Variants in MAOA observed in about 807,000 individuals in gnomAD.
MAOA encodes the protein amine oxidase [flavin-containing] A.
MAOA carries 6 observed loss-of-function variants against 42.0 expected under a neutral mutation model. The ratio of observed to expected loss-of-function variants is 0.14; its 90% CI spans 0.08 to 0.28. The LOEUF (loss-of-function observed/expected upper bound fraction) is 0.28, where lower values mean the gene tolerates loss of function less well. MAOA is among the 10% of genes least tolerant of loss of function. The probability of loss-of-function intolerance (pLI) is 1.00; values close to 1 mark genes in which losing one functional copy is unlikely to be tolerated. For synonymous variants in MAOA, 140 were observed against 154.0 expected (o/e 0.91, Z 0.67); for missense variants, 262 against 422.3 (o/e 0.62, Z 3.33).
chrX:43,697,296 T>C (rs1271415166), intron 3 of MAOA, among the ~76,000 whole-genome samples: 4 of 111,961 alleles, frequency 3.6e-5, no homozygotes, highest in African/African-American at 1.3e-4. Context: ...CTGGCAGCTC[T>C]CTTCTGATGG....
chrX:43,692,429 G>A (rs189056595), intron 2 of MAOA, among the ~76,000 whole-genome samples: 179 of 111,065 alleles, frequency 1.6e-3, no homozygotes, highest in African/African-American at 5.6e-3. Flanking sequence ...CAGGCTGTGG[G>A]CAGAAGCAAA....
At chrX:43,722,008 A>T (rs2033794218) in intron 5 of MAOA, among the ~76,000 whole-genome samples, 2 of 111,654 alleles carry the variant, frequency 1.8e-5, no homozygotes, top group Admixed American at 1.9e-4. Flanking sequence ...GTCCCTGCAA[A>T]GGACATGAAC....
intron 11 of MAOA, among the ~76,000 whole-genome samples, chrX:43,741,233 A>G (rs938860667): frequency 9.0e-6 from 1 of 111,508 alleles, no homozygotes; most frequent in African/African-American, 3.3e-5. Context: ...ATTTAGGAAT[A>G]TCAGTGCTTT....
intron 2 of MAOA, among the ~76,000 whole-genome samples, chrX:43,691,346 C>T (rs2033530820): frequency 9.2e-6 from 1 of 108,276 alleles, no homozygotes; most frequent in Admixed American, 9.9e-5. Flanking sequence ...TGTACTCCAG[C>T]CTGACTGATA....
chrX:43,715,760 C>T (rs142303841), intron 5 of MAOA, among the ~76,000 whole-genome samples: 1,966 of 109,715 alleles, frequency 0.018, 47 homozygotes, highest in African/African-American at 0.062. Context: ...CCAGGATGAC[C>T]CACAAGGCCA....
intron 3 of MAOA, among the ~76,000 whole-genome samples, chrX:43,705,762 A>G (rs2033654684): frequency 8.9e-6 from 1 of 112,293 alleles, no homozygotes; most frequent in Non-Finnish European, 1.9e-5. Context: ...ACTCAATAAT[A>G]AAAAGACAAA....
At chrX:43,734,132 CTTTTTTTT>C (rs745875170) in intron 9 of MAOA, among the ~76,000 whole-genome samples, 7 of 62,434 alleles carry the variant, frequency 1.1e-4, no homozygotes, top group African/African-American at 2.1e-4. Flanking sequence ...TTTGGGCTTT[CTTTTTTTT>C]TTTTTTTTTT....
chrX:43,739,056 G>T (rs914393044), intron 10 of MAOA, among the ~76,000 whole-genome samples: 5 of 111,248 alleles, frequency 4.5e-5, no homozygotes, highest in African/African-American at 1.6e-4. Flanking sequence ...TTACTCAGAA[G>T]GGTAATAGCC....
intron 1 of MAOA, among the ~76,000 whole-genome samples, chrX:43,675,618 T>C (rs1363531976): frequency 8.9e-6 from 1 of 112,359 alleles, no homozygotes; most frequent in Non-Finnish European, 1.9e-5. Flanking sequence ...TATGGGTTTT[T>C]GGTGTGGATG....
chrX:43,699,048 A>G (rs981536211), intron 3 of MAOA, among the ~76,000 whole-genome samples: 13 of 111,480 alleles, frequency 1.2e-4, no homozygotes, highest in Admixed American at 9.6e-4. Flanking sequence ...AGGCTGAGGC[A>G]GGAGGATTGC....
intron 2 of MAOA, among the ~76,000 whole-genome samples, chrX:43,686,058 G>A (rs887194054): frequency 8.9e-6 from 1 of 112,237 alleles, no homozygotes; most frequent in Non-Finnish European, 1.9e-5. Flanking sequence ...TGAAGGCAGC[G>A]TGTTATAGTG....
chrX:43,729,196 G>A (rs2033861957), intron 6 of MAOA, among the ~76,000 whole-genome samples: 1 of 112,243 alleles, frequency 8.9e-6, no homozygotes. Context: ...TTGACCCTTA[G>A]CCTTGACAAA....
At chrX:43,683,877 C>T (rs1426456846) in intron 2 of MAOA, among the ~76,000 whole-genome samples, 2 of 110,778 alleles carry the variant, frequency 1.8e-5, no homozygotes, top group African/African-American at 3.3e-5. Context: ...ATACTAGAGA[C>T]GTAAATGAAG....
chrX:43,746,048 G>A lies in MAOA; in HGVS notation c.*1535G>A, dbSNP rs2033996730. The A allele has an allele frequency of 9.0e-6, 1 of 111,535 alleles. No homozygotes were observed. The highest frequency in any genetic ancestry group is 3.3e-5 in the African/African-American group (1 of 30,655). 9.2% of individuals were successfully genotyped at this position (111,535 alleles called of 1,213,427 possible). On this transcript the variant is annotated 3_prime_UTR_variant, in exon 15 of 15. Transcript: ENST00000338702. ...ATTTAGGAGTTTTGAGAATGTATTGGATACGCTCCAGTACATAAGGAGTTG... is the reference window on the plus strand; with the variant it reads ...ATTTAGGAGTTTTGAGAATGTATTGAATACGCTCCAGTACATAAGGAGTTG...
chrX:43,687,480 AAG>A (rs1469289054), intron 2 of MAOA, among the ~76,000 whole-genome samples: 1 of 112,008 alleles, frequency 8.9e-6, no homozygotes, highest in Non-Finnish European at 1.9e-5. Context: ...TAGATTAGAA[AAG>A]GTTTGAAGGA....
chrX:43,743,915 A>G lies in MAOA; in HGVS notation c.1374+10A>G, dbSNP rs369511810. 19 of 1,166,759 alleles carry G rather than the reference A, an allele frequency of 1.6e-5. No homozygotes were observed. The highest frequency in any genetic ancestry group is 2.2e-5 in the Non-Finnish European group (19 of 873,300). ...ACGAGCAGCTAGGGAGGTAAGCAGG[A>G]AAGCCCAGGCTCTCTCCCTCCCGAG... On this transcript the variant is annotated intron_variant, in intron 13 of 14. Coordinates refer to ENST00000338702, the MANE Select transcript of MAOA (RefSeq NM_000240.4).
At chrX:43,743,671 C>T (rs1487049250) in intron 12 of MAOA, 123 bp from the exon 13 acceptor site, 6 of 843,870 alleles carry the variant, frequency 7.1e-6, no homozygotes, top group South Asian at 4.4e-5. Context: ...CTAAGTCATA[C>T]GGGTGTTTTT....
At chrX:43,712,594 C>T (rs1180703871) in intron 4 of MAOA, 111 bp from the exon 5 acceptor site, 1 of 533,264 alleles carries the variant, frequency 1.9e-6, no homozygotes, top group African/African-American at 2.3e-5. Context: ...GCCAATCACA[C>T]ATTTCAACAC....
intron 3 of MAOA, among the ~76,000 whole-genome samples, chrX:43,696,101 T>C (rs988524380): frequency 6.3e-5 from 7 of 111,878 alleles, no homozygotes; most frequent in African/African-American, 2.0e-4. Flanking sequence ...GATGAACTAA[T>C]GGAAAGACTT....
Sources: allele counts gnomAD v4.1 joint callset (sites outside exome capture counted in the v4.1 genomes callset), GRCh38; gene constraint gnomAD v4.1.1; transcripts MANE v1.5; gene names NCBI Gene and HGNC (gene_info 2026-07-23, HGNC 2026-07-21).